The following MGAM variants were observed in gnomAD, a reference collection of about 807,000 sequenced individuals.
MGAM encodes the protein maltase-glucoamylase, also known as alpha-1,4-glucosidase.
In MGAM, 253 loss-of-function variants were observed where a neutral mutation model predicts 358.8. That is an observed-to-expected ratio of 0.71 (90% CI 0.64 to 0.78). The LOEUF (loss-of-function observed/expected upper bound fraction) is 0.78. MGAM is among the 30% of genes least tolerant of loss of function. MGAM has a pLI of 0.00. For missense variants in MGAM, 3,080 were observed against 3,432.6 expected (o/e 0.90, Z 2.57); for synonymous variants, 1,105 against 1,227.1 (o/e 0.90, Z 2.08).
At chr7:142,049,336 A>T (rs879337360) in intron 22 of MGAM, among the ~76,000 whole-genome samples, 1 of 152,184 alleles carries the variant, frequency 6.6e-6, no homozygotes, top group African/African-American at 2.4e-5. Context: ...TAAGGGTTGA[A>T]ATTGTAAAGC....
chr7:142,077,634 C>A, intron 47 of MGAM, among the ~76,000 whole-genome samples: 1 of 144,366 alleles, frequency 6.9e-6, no homozygotes, highest in Admixed American at 7.0e-5. Flanking sequence ...ATTTTATTTC[C>A]ACCTCTCAAT....
rs1220708491 is a variant in MGAM, at chr7:142,058,230, T to G, written c.3721T>G (p.Tyr1241Asp). ...GATTGGCCGGCCTGTGATGGTACCT[T>G]ACTGGTCTTTGGGGTTCCAGCTGTG... ...ELIGRPVMVP[Y>D]WSLGFQLCRY... The change falls in exon 31 of 71, where the codon TAC (tyrosine) becomes GAC (aspartate). Residue 1241 changes from tyrosine (Y) to aspartate (D), a missense_variant. Around this residue, in one of 5 missense-constraint regions of MGAM, gnomAD observed 1,816 missense variants for 1,840.5 expected, o/e 0.99. Coordinates refer to ENST00000475668, the MANE Select transcript of MGAM (RefSeq NM_001365693.1). 1.9e-6 allele frequency: 3 copies of G among 1,613,582 alleles called. No individual in the cohort carries two copies. Among genetic ancestry groups the G allele is most frequent in the Admixed American group, 3.3e-5 (2 of 60,002 alleles).
chr7:142,093,524 G>A lies in MGAM; in HGVS notation c.7146G>A (p.Gly2382=), dbSNP rs771893722. Residue 2382 remains glycine, a synonymous_variant, in exon 60 of 71, where the codon GGG becomes GGA. Coordinates refer to ENST00000475668, the MANE Select transcript of MGAM (RefSeq NM_001365693.1). ...ACTACAATGTGCACAACCTGTACGGGTGGTCCCAGACCAGACCCACATACG... is the reference window on the plus strand; with the variant it reads ...ACTACAATGTGCACAACCTGTACGGATGGTCCCAGACCAGACCCACATACG... The part of the protein sequence containing the change: ...VQHYNVHNLY[G]WSQTRPTYEA... The A allele has an allele frequency of 4.0e-6, 6 of 1,503,698 alleles. 1 individual carries two copies. In the African/African-American group the frequency reaches 5.5e-5, roughly 14 times the overall value. 93.1% of individuals were successfully genotyped at this position (1,503,698 alleles called of 1,614,324 possible). A position where few individuals can be genotyped will look rare whatever the true frequency, so the allele number is the denominator to read the frequency against.
At chr7:142,011,659 A>G (rs1239779547) in intron 3 of MGAM, among the ~76,000 whole-genome samples, 3 of 152,204 alleles carry the variant, frequency 2.0e-5, no homozygotes, top group Non-Finnish European at 4.4e-5. Context: ...AAAATGAGAC[A>G]GTATGTGTTC....
intron 16 of MGAM, among the ~76,000 whole-genome samples, chr7:142,035,314 A>G (rs7811738): frequency 0.17 from 25,547 of 152,184 alleles, 2,419 homozygotes; most frequent in Middle Eastern, 0.29. Context: ...AAGCATAAAT[A>G]TAGTAAAGAT....
rs115667908 is a variant in MGAM at position 142,003,624 on chromosome 7, T to A, written c.-2-1905T>A. Among the ~76,000 whole-genome samples the A allele has an allele frequency of 5.6e-3, 853 of 152,154 alleles. 7 individuals carry two copies. Among genetic ancestry groups the A allele is most frequent in the African/African-American group, 0.013 (541 of 41,548 alleles). ...GAAGAAAAATCTAGGAAACACTCTC[T>A]GGACATTGGCCTAGGCAAAGAATTT... On this transcript the variant is annotated intron_variant, in intron 1 of 70. Transcript: ENST00000475668.
chr7:142,034,285 T>C lies in MGAM; in HGVS notation c.1693T>C (p.Cys565Arg). 1 of 1,596,522 alleles carries C rather than the reference T, an allele frequency of 6.3e-7. No homozygotes were observed. The highest frequency in any genetic ancestry group is 8.5e-7 in the Non-Finnish European group (1 of 1,171,158). The change falls in exon 15 of 71, where the codon TGC becomes CGC. Residue 565 changes from cysteine to arginine, a missense_variant. Around this residue, in one of 5 missense-constraint regions of MGAM, gnomAD observed 1,816 missense variants for 1,840.5 expected, o/e 0.99. Coordinates refer to ENST00000475668, the MANE Select transcript of MGAM (RefSeq NM_001365693.1). ...AGGAATCCTGGATGGGTACCTGTTC[T>C]GCAAGACTCTCTGTATGGATGCAGT... ...TPRILDGYLFCKTLCMDAVQH... is the reference protein window; with the variant it reads ...TPRILDGYLFRKTLCMDAVQH...
intron 3 of MGAM, among the ~76,000 whole-genome samples, chr7:142,017,032 C>A (rs1413625197): frequency 1.3e-5 from 2 of 152,118 alleles, no homozygotes; most frequent in African/African-American, 4.8e-5. Flanking sequence ...AATATTTAAA[C>A]CATGTGATAG....
In MGAM at chr7:142,081,974, A is replaced by G. The variant is rs1814337604; in HGVS notation, c.6003-68A>G. 8 of 1,454,414 alleles carry G rather than the reference A, an allele frequency of 5.5e-6. 3 individuals carry two copies. The highest frequency in any genetic ancestry group is 7.7e-6 in the Non-Finnish European group (8 of 1,045,394). 90.1% of individuals were successfully genotyped at this position (1,454,414 alleles called of 1,614,324 possible). A position where few individuals can be genotyped will look rare whatever the true frequency, so the allele number is the denominator to read the frequency against. Reference sequence around the variant, plus strand: ...GAATCAAGTGTTCTGTTGTCCTTGAAAAGTCAGCTGCTGGAAGCAGAGAGA... The same window carrying G: ...GAATCAAGTGTTCTGTTGTCCTTGAGAAGTCAGCTGCTGGAAGCAGAGAGA... On this transcript the variant is annotated intron_variant, in intron 50 of 70. Coordinates refer to ENST00000475668, the MANE Select transcript of MGAM (RefSeq NM_001365693.1).
At chr7:142,041,388 G>A (rs1020346060) in intron 21 of MGAM, among the ~76,000 whole-genome samples, 22 of 152,102 alleles carry the variant, frequency 1.4e-4, no homozygotes, top group African/African-American at 5.3e-4. Flanking sequence ...CTCTCTTACT[G>A]CTTTAATTTT....
Position 142,036,953 on chromosome 7 carries a change from C to A in MGAM, c.2207C>A (p.Thr736Lys). 4 of 1,613,482 alleles carry A rather than the reference C, an allele frequency of 2.5e-6. No homozygotes were observed. The highest frequency in any genetic ancestry group is 3.4e-6 in the Non-Finnish European group (4 of 1,179,570). The change falls in exon 18 of 71, where the codon ACG becomes AAG. Residue 736 changes from threonine to lysine, a missense_variant. Thr to Lys is a moderately conservative substitution (Grantham distance 78). Coordinates refer to ENST00000475668, the MANE Select transcript of MGAM (RefSeq NM_001365693.1). ...LFFRAHSRGD[T>K]VARPLLHEFY... ...TTCCGTGCTCACAGCCGAGGGGACACGGTGGCCAGGCCCCTTTTGCATGAG... is the reference window on the plus strand; with the variant it reads ...TTCCGTGCTCACAGCCGAGGGGACAAGGTGGCCAGGCCCCTTTTGCATGAG...
Position 142,041,500 on chromosome 7 carries a change from C to A in MGAM, c.2498+654C>A, listed in dbSNP as rs140520562. 7.3e-3 allele frequency among the ~76,000 whole-genome samples: 1,112 copies of A among 152,180 alleles called. 5 individuals are homozygous for A. The highest frequency in any genetic ancestry group is 9.8e-3 in the Non-Finnish European group (664 of 67,998). ...GTTCACCTTCAAGCTGTTCTGCACA[C>A]TGATACCAAATTAATTTTTCCAAAA... On this transcript the variant is annotated intron_variant, in intron 21 of 70. Coordinates refer to ENST00000475668, the MANE Select transcript of MGAM (RefSeq NM_001365693.1).
rs1287044266 is a variant in MGAM at position 142,081,201 on chromosome 7, T to G, written c.6002+256T>G. On this transcript the variant is annotated intron_variant, in intron 50 of 70. Transcript: ENST00000475668. The stretch of plus-strand genomic sequence containing the variant: ...CCTTCTCTAGATTAGGTGCTGCTCC[T>G]TATAGACAACTGAGGTTTCTCTTCT... Among the ~76,000 whole-genome samples, 2 of 146,530 alleles carry G rather than the reference T, an allele frequency of 1.4e-5. 1 individual carries two copies. Among genetic ancestry groups the G allele is most frequent in the Admixed American group, 1.4e-4 (2 of 14,574 alleles).
rs376664814 is a variant in MGAM, at chr7:142,021,940, T to C, written c.710+203T>C. ...TTGCACAATCATTTTTTTCTCTTTA[T>C]TTTTCCCTTTATTTCCCTCCGTCTA... On this transcript the variant is annotated intron_variant, in intron 6 of 70. Transcript: ENST00000475668. Among the ~76,000 whole-genome samples, 473 of 152,292 alleles carry C rather than the reference T, an allele frequency of 3.1e-3. 15 individuals carry two copies. The South Asian group carries it at 0.069, about 22-fold the overall frequency.
intron 18 of MGAM, 43 bp from the exon 19 acceptor site, chr7:142,038,488 G>T: frequency 6.9e-7 from 1 of 1,439,988 alleles, no homozygotes; most frequent in Non-Finnish European, 9.6e-7. Flanking sequence ...AAATCTCATT[G>T]GCAGTGGCTC....
At position 142,080,964 on chromosome 7, in the gene MGAM, G is replaced by A. The variant is rs1281731919; in HGVS notation, c.6002+19G>A. 1 of 1,540,598 alleles carries A rather than the reference G, an allele frequency of 6.5e-7. No individual in the cohort carries two copies. Among genetic ancestry groups the A allele is most frequent in the Non-Finnish European group, 8.9e-7 (1 of 1,121,760 alleles). ...CTATAATGTGAGTGGCTTCTAGTGT[G>A]ACTCAGAGTTGATGGCTACCTGCGC... On this transcript the variant is annotated intron_variant, in intron 50 of 70. Transcript: ENST00000475668.
rs77655123 is a variant in MGAM at position 142,007,047 on chromosome 7, G to C, written c.127+1390G>C. ...GTGATTTCACCATTTTTCCACCCAA[G>C]CTTCACCGTGAGTTTGATGTTTGTT... On this transcript the variant is annotated intron_variant, in intron 2 of 70. Transcript: ENST00000475668. Among the ~76,000 whole-genome samples, 401 of 152,032 alleles carry C rather than the reference G, an allele frequency of 2.6e-3. 2 individuals carry two copies. The highest frequency in any genetic ancestry group is 9.0e-3 in the African/African-American group (373 of 41,478).
intron 23 of MGAM, 76 bp from the exon 24 acceptor site, chr7:142,050,621 T>G: frequency 1.4e-6 from 2 of 1,439,182 alleles, no homozygotes; most frequent in Non-Finnish European, 9.6e-7. Flanking sequence ...CGGTCTGGAA[T>G]GGAATATTTG....
rs577709027 is a variant in MGAM, at chr7:142,072,886, A to T, written c.5187-1199A>T. On this transcript the variant is annotated intron_variant, in intron 44 of 70. Transcript: ENST00000475668. ...TGCTGTGGGAATTTGCCACATGGAG[A>T]TTCTAGGTTTTGCTTACTAAGCACC... Among the ~76,000 whole-genome samples the T allele has an allele frequency of 6.8e-5, 10 of 146,354 alleles. 2 individuals are homozygous for T. Among genetic ancestry groups the T allele is most frequent in the Non-Finnish European group, 1.5e-4 (10 of 64,614 alleles).
Sources: allele counts gnomAD v4.1 joint callset (sites outside exome capture counted in the v4.1 genomes callset), GRCh38; gene constraint gnomAD v4.1.1; regional missense constraint gnomAD v4.1.1; transcripts MANE v1.5; gene names NCBI Gene and HGNC (gene_info 2026-07-23, HGNC 2026-07-21).